CDK14: variants seen among roughly 807,000 people sequenced by gnomAD.
The protein encoded by CDK14 is cyclin-dependent kinase 14.
In CDK14, 34 loss-of-function variants were observed where a neutral mutation model predicts 60.7. The ratio of observed to expected loss-of-function variants is 0.56; its 90% CI spans 0.43 to 0.75. The LOEUF (loss-of-function observed/expected upper bound fraction) is 0.75, where lower values mean the gene tolerates loss of function less well. CDK14 is among the 30% of genes least tolerant of loss of function. The pLI, the probability that CDK14 is intolerant of heterozygous loss-of-function variation, is 0.00. For missense variants in CDK14, 482 were observed against 564.1 expected (o/e 0.85, Z 1.47); for synonymous variants, 197 against 203.7 (o/e 0.97, Z 0.28).
At chr7:90,868,753 G>A (rs1187217778) in intron 6 of CDK14, among the ~76,000 whole-genome samples, 1 of 152,132 alleles carries the variant, frequency 6.6e-6, no homozygotes, top group Non-Finnish European at 1.5e-5. Context: ...TGAGTTGTAG[G>A]TAGCATGTTA....
intron 6 of CDK14, among the ~76,000 whole-genome samples, chr7:90,875,995 A>G (rs955746777): frequency 6.6e-6 from 1 of 152,160 alleles, no homozygotes; most frequent in Non-Finnish European, 1.5e-5. Context: ...AAGTTTTTCT[A>G]ATAGTAAAAC....
chr7:91,072,235 G>T (rs949911230), intron 11 of CDK14, among the ~76,000 whole-genome samples: 1 of 152,132 alleles, frequency 6.6e-6, no homozygotes, highest in South Asian at 2.1e-4. Flanking sequence ...TTAACGGGTT[G>T]TCAGACACCC....
chr7:90,617,425 A>G (rs1563017325), intron 2 of CDK14, among the ~76,000 whole-genome samples: 1 of 152,150 alleles, frequency 6.6e-6, no homozygotes. Context: ...CAAAGAAACA[A>G]CTGATTTTGG....
At chr7:90,860,125 A>G (rs1490186642) in intron 5 of CDK14, among the ~76,000 whole-genome samples, 1 of 152,144 alleles carries the variant, frequency 6.6e-6, no homozygotes, top group Non-Finnish European at 1.5e-5. Flanking sequence ...TTTATTCTCA[A>G]ATTAATACTC....
intron 14 of CDK14, among the ~76,000 whole-genome samples, chr7:91,126,905 C>T (rs1224030355): frequency 1.3e-5 from 2 of 151,856 alleles, no homozygotes; most frequent in Non-Finnish European, 2.9e-5. Flanking sequence ...GAATGATTGG[C>T]AGGTTAGAGG....
intron 5 of CDK14, among the ~76,000 whole-genome samples, chr7:90,862,154 G>A (rs1365905383): frequency 6.6e-6 from 1 of 152,074 alleles, no homozygotes. Context: ...GTACCTAAAG[G>A]AAAATCAGAT....
chr7:90,744,125 G>A (rs574697671), intron 3 of CDK14, among the ~76,000 whole-genome samples: 25 of 152,238 alleles, frequency 1.6e-4, no homozygotes, highest in Non-Finnish European at 3.4e-4. Context: ...AGTGAACAAA[G>A]GTCTCTGGTT....
chr7:90,803,136 C>G (rs13243710), intron 5 of CDK14, among the ~76,000 whole-genome samples: 27,697 of 150,256 alleles, frequency 0.18, 2,657 homozygotes, highest in South Asian at 0.24. Flanking sequence ...TCTAAGATGT[C>G]AGTATTTGGG....
At chr7:91,044,926 C>T in intron 10 of CDK14, among the ~76,000 whole-genome samples, 1 of 152,170 alleles carries the variant, frequency 6.6e-6, no homozygotes, top group East Asian at 1.9e-4. Flanking sequence ...CTAATACTGA[C>T]ATAGTGCTAT....
chr7:90,605,177 T>A (rs1034590689), intron 2 of CDK14, among the ~76,000 whole-genome samples: 3 of 152,226 alleles, frequency 2.0e-5, no homozygotes, highest in Admixed American at 2.0e-4. Flanking sequence ...TTTGTGCTCA[T>A]GGAAAGTCCC....
At chr7:90,715,342 G>T (rs1263698054) in intron 2 of CDK14, among the ~76,000 whole-genome samples, 1 of 152,068 alleles carries the variant, frequency 6.6e-6, no homozygotes, top group African/African-American at 2.4e-5. Context: ...AAGCATATGT[G>T]TGTATAGGTA....
chr7:90,791,459 A>C (rs1011105009), intron 5 of CDK14, among the ~76,000 whole-genome samples: 2 of 152,230 alleles, frequency 1.3e-5, no homozygotes, highest in Non-Finnish European at 2.9e-5. Context: ...TATTCTCTTC[A>C]TCCATAACAA....
chr7:90,953,036 CTTTCTTTTAT>C (rs1470831525), intron 8 of CDK14, among the ~76,000 whole-genome samples: 1 of 151,706 alleles, frequency 6.6e-6, no homozygotes, highest in Non-Finnish European at 1.5e-5. Flanking sequence ...TTCTTTTTGT[CTTTCTTTTAT>C]TTTTATTTTT....
At chr7:91,090,869 C>A (rs1315432079) in intron 12 of CDK14, among the ~76,000 whole-genome samples, 1 of 152,012 alleles carries the variant, frequency 6.6e-6, no homozygotes, top group Non-Finnish European at 1.5e-5. Flanking sequence ...ACAGTCTAAG[C>A]TCTGTCACTC....
intron 2 of CDK14, among the ~76,000 whole-genome samples, chr7:90,609,948 G>A (rs1158029791): frequency 2.0e-5 from 3 of 152,268 alleles, no homozygotes; most frequent in South Asian, 4.2e-4. Context: ...TCTCATACCT[G>A]CTTTACCCTT....
chr7:91,204,600 C>G (rs1232770889), intron 14 of CDK14, among the ~76,000 whole-genome samples: 3 of 152,138 alleles, frequency 2.0e-5, no homozygotes, highest in African/African-American at 7.2e-5. Context: ...GATCAAAGGA[C>G]TTGAATAGAC....
intron 2 of CDK14, among the ~76,000 whole-genome samples, chr7:90,614,073 C>T (rs1799601383): frequency 6.9e-6 from 1 of 145,480 alleles, no homozygotes; most frequent in Non-Finnish European, 1.5e-5. Context: ...ATGGTGCGAT[C>T]TTGGGTCACT....
intron 2 of CDK14, among the ~76,000 whole-genome samples, chr7:90,624,288 G>A (rs1799832049): frequency 6.6e-6 from 1 of 152,174 alleles, no homozygotes; most frequent in Admixed American, 6.5e-5. Context: ...CAGATTAGGG[G>A]AGGTATGTGA....
At chr7:91,170,578 T>C (rs1584159501) in intron 14 of CDK14, among the ~76,000 whole-genome samples, 1 of 152,294 alleles carries the variant, frequency 6.6e-6, no homozygotes, top group South Asian at 2.1e-4. Context: ...AGTGGAGAGA[T>C]AGAAATAAAT....
Sources: gnomAD v4.1 joint callset for allele counts (sites outside exome capture counted in the v4.1 genomes callset) on GRCh38, gnomAD v4.1.1 for gene constraint, MANE v1.5 for transcripts, NCBI Gene and HGNC (gene_info 2026-07-23, HGNC 2026-07-21) for gene names.